Variants in ST6GALNAC3 observed in about 807,000 individuals in gnomAD.
The protein encoded by ST6GALNAC3 is alpha-N-acetylgalactosaminide alpha-2,6-sialyltransferase 3.
In ST6GALNAC3, 25 loss-of-function variants were observed where a neutral mutation model predicts 32.7. The observed-to-expected ratio is 0.76, with a 90% CI of 0.56 to 1.07. The LOEUF is 1.07. Among genes scored for constraint, ST6GALNAC3 ranks in the 50% least tolerant of loss-of-function variants. The pLI is 0.00. For missense variants in ST6GALNAC3, 355 were observed against 382.4 expected (o/e 0.93, Z 0.60); for synonymous variants, 129 against 133.1 (o/e 0.97, Z 0.21).
At chr1:76,306,634 G>A (rs1180541193) in intron 1 of ST6GALNAC3, among the ~76,000 whole-genome samples, 1 of 147,906 alleles carries the variant, frequency 6.8e-6, no homozygotes, top group Non-Finnish European at 1.5e-5. Context: ...ATTATAGGTA[G>A]CAACATTTTC....
At chr1:76,596,469 G>T (rs928522574) in intron 3 of ST6GALNAC3, among the ~76,000 whole-genome samples, 1 of 152,158 alleles carries the variant, frequency 6.6e-6, no homozygotes, top group South Asian at 2.1e-4. Context: ...GTGTAGTTTA[G>T]TATTAACTGA....
At chr1:76,433,977 G>A (rs1398721329) in intron 3 of ST6GALNAC3, among the ~76,000 whole-genome samples, 1 of 152,010 alleles carries the variant, frequency 6.6e-6, no homozygotes, top group Non-Finnish European at 1.5e-5. Context: ...ATTTATTTTA[G>A]CATTCTTATT....
chr1:76,135,961 G>C (rs756741541), intron 1 of ST6GALNAC3, among the ~76,000 whole-genome samples: 1 of 152,036 alleles, frequency 6.6e-6, no homozygotes, highest in African/African-American at 2.4e-5. Context: ...TGATTCTGTC[G>C]CATACCCCAG....
intron 3 of ST6GALNAC3, among the ~76,000 whole-genome samples, chr1:76,612,831 A>C (rs1461363168): frequency 1.3e-5 from 2 of 152,214 alleles, no homozygotes; most frequent in Non-Finnish European, 2.9e-5. Context: ...GGCAAGTCCA[A>C]AGCCATTTAG....
chr1:76,596,507 A>C (rs1490261563), intron 3 of ST6GALNAC3, among the ~76,000 whole-genome samples: 1 of 152,168 alleles, frequency 6.6e-6, no homozygotes, highest in Non-Finnish European at 1.5e-5. Flanking sequence ...ATAAGCACTC[A>C]CTTCTAACTA....
At chr1:76,318,588 T>C (rs547183633) in intron 2 of ST6GALNAC3, among the ~76,000 whole-genome samples, 15 of 152,262 alleles carry the variant, frequency 9.9e-5, no homozygotes, top group South Asian at 4.1e-4. Flanking sequence ...TGCTGTGTCA[T>C]TACCGTGTCT....
Position 76,634,214 on chromosome 1 carries a change from T to C in ST6GALNAC3, c.*5408T>C. The C allele has an allele frequency of 2.1e-6, 2 of 957,016 alleles. No homozygotes were observed. The highest frequency in any genetic ancestry group is 4.8e-5 in the South Asian group (1 of 20,678). The allele number at this position is 957,016 out of a possible 1,614,324, so 59.3% of individuals were successfully genotyped here. On this transcript the variant is annotated 3_prime_UTR_variant, in exon 5 of 5. Coordinates refer to ENST00000328299, the MANE Select transcript of ST6GALNAC3 (RefSeq NM_152996.4). ...TAAAGGTGAAGAACATCTTGATGAA[T>C]AAACAGTCAACTACCAAGTTCACAT...
At chr1:76,413,720 G>A (rs901649797) in intron 3 of ST6GALNAC3, among the ~76,000 whole-genome samples, 2 of 152,012 alleles carry the variant, frequency 1.3e-5, no homozygotes, top group Non-Finnish European at 2.9e-5. Context: ...GAATCCCAAG[G>A]GTGAGATTTG....
intron 3 of ST6GALNAC3, among the ~76,000 whole-genome samples, chr1:76,614,718 C>CAAAAAAAAAAAA (rs55744575): frequency 1.8e-4 from 12 of 67,534 alleles, no homozygotes; most frequent in African/African-American, 7.5e-4. Context: ...GACTCCATCT[C>CAAAAAAAAAAAA]AAAAAAAAAA....
chr1:76,345,438 G>A (rs918089878), intron 2 of ST6GALNAC3, among the ~76,000 whole-genome samples: 19 of 151,990 alleles, frequency 1.3e-4, no homozygotes, highest in African/African-American at 4.6e-4. Context: ...AAGAACAAGA[G>A]AGAAGAGAAG....
intron 1 of ST6GALNAC3, among the ~76,000 whole-genome samples, chr1:76,186,798 A>G (rs771921157): frequency 3.9e-5 from 6 of 152,232 alleles, no homozygotes; most frequent in East Asian, 1.9e-4. Flanking sequence ...GAGCTTGTAC[A>G]TGGCACCTCC....
Position 76,263,039 on chromosome 1 carries a change from C to T in ST6GALNAC3, c.19-50766C>T, listed in dbSNP as rs79376074. On this transcript the variant is annotated intron_variant, in intron 1 of 4. Coordinates refer to ENST00000328299, the MANE Select transcript of ST6GALNAC3 (RefSeq NM_152996.4). ...CTCAGGAACAGCTTCTTAGCTGAGC[C>T]ACCATGCTCCAGATTTGATCTTTAA... Among the ~76,000 whole-genome samples the T allele has an allele frequency of 5.9e-5, 9 of 152,246 alleles. No individual in the cohort carries two copies. In the East Asian group the frequency reaches 1.7e-3, roughly 29 times the overall value.
At chr1:76,246,937 G>A (rs1657296041) in intron 1 of ST6GALNAC3, among the ~76,000 whole-genome samples, 1 of 152,164 alleles carries the variant, frequency 6.6e-6, no homozygotes, top group African/African-American at 2.4e-5. Flanking sequence ...CATCTTCATG[G>A]ATTTATCTAC....
At chr1:76,451,008 C>T (rs1227547501) in intron 3 of ST6GALNAC3, among the ~76,000 whole-genome samples, 1 of 152,078 alleles carries the variant, frequency 6.6e-6, no homozygotes, top group Non-Finnish European at 1.5e-5. Flanking sequence ...GTTCTTTTTG[C>T]TTAGTCTTGC....
intron 1 of ST6GALNAC3, among the ~76,000 whole-genome samples, chr1:76,286,848 G>A (rs992853558): frequency 2.0e-5 from 3 of 152,216 alleles, no homozygotes; most frequent in African/African-American, 7.2e-5. Context: ...TTAATTGAAA[G>A]TCACAGAGTT....
intron 1 of ST6GALNAC3, among the ~76,000 whole-genome samples, chr1:76,097,786 T>C (rs1647160479): frequency 6.6e-6 from 1 of 152,238 alleles, no homozygotes; most frequent in Non-Finnish European, 1.5e-5. Flanking sequence ...TAGCTATAAA[T>C]ACTGATGTTG....
chr1:76,215,960 A>G (rs1168251417), intron 1 of ST6GALNAC3, among the ~76,000 whole-genome samples: 2 of 152,150 alleles, frequency 1.3e-5, no homozygotes, highest in East Asian at 1.9e-4. Flanking sequence ...TTTGTTGAGA[A>G]TTTAAAGGGA....
At chr1:76,366,254 T>A (rs891567547) in intron 2 of ST6GALNAC3, among the ~76,000 whole-genome samples, 1 of 152,186 alleles carries the variant, frequency 6.6e-6, no homozygotes. Flanking sequence ...CAACTCTGAA[T>A]TCAAGCCTAT....
intron 1 of ST6GALNAC3, 30 bp downstream of exon 1, chr1:76,074,914 G>C: frequency 3.2e-6 from 5 of 1,580,896 alleles, no homozygotes; most frequent in Non-Finnish European, 4.3e-6. Context: ...GCTCGGACGC[G>C]TGGTTGGCCA....
Sources: gnomAD v4.1 joint callset for allele counts (sites outside exome capture counted in the v4.1 genomes callset) on GRCh38, gnomAD v4.1.1 for gene constraint, MANE v1.5 for transcripts, NCBI Gene and HGNC (gene_info 2026-07-23, HGNC 2026-07-21) for gene names.